Variants in ASTN2 observed in about 807,000 individuals in gnomAD.
The protein encoded by ASTN2 is astrotactin 2, also known as astrotactin-2.
In ASTN2, 54 loss-of-function variants were observed where a neutral mutation model predicts 139.8. That is an observed-to-expected ratio of 0.39 (90% CI 0.31 to 0.48). The LOEUF is 0.48. Among genes scored for constraint, ASTN2 ranks in the 20% least tolerant of loss-of-function variants. The pLI is 0.95. For missense variants in ASTN2, 1,565 were observed against 1,725.1 expected, an observed-to-expected ratio of 0.91 and a Z score of 1.64; for synonymous variants, 756 against 719.5, an observed-to-expected ratio of 1.05 and a Z score of -0.81.
intron 17 of ASTN2, among the ~76,000 whole-genome samples, chr9:116,621,621 T>C (rs1856161427): frequency 6.6e-6 from 1 of 152,144 alleles, no homozygotes; most frequent in African/African-American, 2.4e-5. Flanking sequence ...AGACCATACC[T>C]ACCAACACAT....
chr9:117,014,133 C>G (rs1356737484), intron 6 of ASTN2, among the ~76,000 whole-genome samples: 1 of 152,036 alleles, frequency 6.6e-6, no homozygotes, highest in Non-Finnish European at 1.5e-5. Flanking sequence ...GAAATGTCTT[C>G]CTGGAAACAA....
intron 3 of ASTN2, among the ~76,000 whole-genome samples, chr9:117,191,455 T>G (rs556308137): frequency 3.0e-4 from 46 of 152,192 alleles, no homozygotes; most frequent in Non-Finnish European, 6.0e-4. Flanking sequence ...AATTGCTAAT[T>G]TATACTTTAC....
chr9:116,760,054 T>C (rs1187034350), intron 13 of ASTN2, among the ~76,000 whole-genome samples: 2 of 152,200 alleles, frequency 1.3e-5, no homozygotes, highest in Non-Finnish European at 2.9e-5. Flanking sequence ...CGGGAAGGGC[T>C]AACAGGACGG....
chr9:117,321,512 C>G (rs532208149), intron 1 of ASTN2, among the ~76,000 whole-genome samples: 1 of 152,248 alleles, frequency 6.6e-6, no homozygotes, highest in South Asian at 2.1e-4. Flanking sequence ...CTAAGGTATA[C>G]ATAGCTCCTA....
chr9:117,413,396 G>C (rs977477141), intron 1 of ASTN2, among the ~76,000 whole-genome samples: 2 of 152,252 alleles, frequency 1.3e-5, no homozygotes, highest in Non-Finnish European at 2.9e-5. Flanking sequence ...CCGGGTCTGG[G>C]CGAGCCCCTG....
chr9:117,078,541 A>C (rs1828339971), intron 5 of ASTN2, among the ~76,000 whole-genome samples: 1 of 152,174 alleles, frequency 6.6e-6, no homozygotes, highest in African/African-American at 2.4e-5. Flanking sequence ...GACATTACAG[A>C]ATTGTAGTTT....
chr9:116,804,534 A>G (rs1433217912), intron 13 of ASTN2, among the ~76,000 whole-genome samples: 1 of 152,142 alleles, frequency 6.6e-6, no homozygotes, highest in Non-Finnish European at 1.5e-5. Context: ...ATAGACAAAA[A>G]ATACTTAGAA....
intron 2 of ASTN2, among the ~76,000 whole-genome samples, chr9:117,243,770 C>T (rs924195599): frequency 3.9e-5 from 6 of 152,130 alleles, no homozygotes; most frequent in African/African-American, 1.2e-4. Flanking sequence ...ATGTACAGGG[C>T]AGGCCTTGGG....
chr9:116,760,106 T>G (rs371181158), intron 13 of ASTN2, among the ~76,000 whole-genome samples: 1 of 152,188 alleles, frequency 6.6e-6, no homozygotes, highest in Non-Finnish European at 1.5e-5. Flanking sequence ...ATTATTATCA[T>G]TGCAAAGCAC....
chr9:116,527,520 AGTAAAT>A (rs767032088), intron 19 of ASTN2, among the ~76,000 whole-genome samples: 10 of 152,232 alleles, frequency 6.6e-5, no homozygotes, highest in Non-Finnish European at 1.0e-4. Context: ...AAAGATGAAA[AGTAAAT>A]GTTGGCAAAG....
chr9:116,704,553 A>AT (rs1827941353), intron 16 of ASTN2, among the ~76,000 whole-genome samples: 1 of 152,214 alleles, frequency 6.6e-6, no homozygotes, highest in African/African-American at 2.4e-5. Flanking sequence ...AATTCAGAAA[A>AT]TGTGTGACTT....
intron 19 of ASTN2, among the ~76,000 whole-genome samples, chr9:116,565,355 C>CTA: frequency 4.6e-5 from 1 of 21,702 alleles, no homozygotes; most frequent in Non-Finnish European, 7.5e-5. Context: ...CACTGTTTCT[C>CTA]TCTCTCTCTC....
chr9:117,009,565 G>A (rs1013416366), intron 6 of ASTN2, among the ~76,000 whole-genome samples: 3 of 152,114 alleles, frequency 2.0e-5, no homozygotes, highest in African/African-American at 4.8e-5. Flanking sequence ...TCACAAAGCT[G>A]GACAGGGAGC....
intron 2 of ASTN2, among the ~76,000 whole-genome samples, chr9:117,281,849 T>A (rs113798137): frequency 1.3e-5 from 2 of 152,156 alleles, no homozygotes; most frequent in Non-Finnish European, 2.9e-5. Flanking sequence ...TGCCCCTGCC[T>A]CCAGCCCTCT....
At position 116,527,927 on chromosome 9, in the gene ASTN2, T is replaced by C. The variant is rs535346083; in HGVS notation, c.3356-40427A>G. On this transcript the variant is annotated intron_variant, in intron 19 of 22. Coordinates refer to ENST00000313400, the MANE Select transcript of ASTN2 (RefSeq NM_001365068.1). Reference sequence around the variant, plus strand: ...GCTTCCTGAGGCCTCCCAAGCCACATAGAACTGTGAGTCAAACCTCTTTTC... The same window carrying C: ...GCTTCCTGAGGCCTCCCAAGCCACACAGAACTGTGAGTCAAACCTCTTTTC... 3.9e-5 allele frequency among the ~76,000 whole-genome samples: 6 copies of C among 152,282 alleles called. No individual in the cohort carries two copies. The South Asian group carries it at 6.2e-4, about 16-fold the overall frequency.
intron 1 of ASTN2, among the ~76,000 whole-genome samples, chr9:117,312,918 G>A (rs907121857): frequency 1.3e-5 from 2 of 152,106 alleles, no homozygotes; most frequent in Non-Finnish European, 2.9e-5. Context: ...GGCCATGTGG[G>A]TGCCCCTGCC....
At chr9:116,661,125 TC>T (rs1392977243) in intron 16 of ASTN2, among the ~76,000 whole-genome samples, 1 of 152,132 alleles carries the variant, frequency 6.6e-6, no homozygotes, top group African/African-American at 2.4e-5. Flanking sequence ...CTGGCCAGTG[TC>T]TTGGCCAGAA....
chr9:117,081,723 C>T (rs559817802), intron 5 of ASTN2, among the ~76,000 whole-genome samples: 1,572 of 152,266 alleles, frequency 0.01, 29 homozygotes, highest in African/African-American at 0.036. Flanking sequence ...GTGATGATCT[C>T]CTGCTGGCCT....
At chr9:116,471,162 T>C (rs375779841) in intron 20 of ASTN2, among the ~76,000 whole-genome samples, 2 of 152,140 alleles carry the variant, frequency 1.3e-5, no homozygotes, top group South Asian at 2.1e-4. Context: ...TTACAGGCTA[T>C]AGATATGATT....
Sources: gnomAD v4.1 joint callset for allele counts (sites outside exome capture counted in the v4.1 genomes callset) on GRCh38, gnomAD v4.1.1 for gene constraint, MANE v1.5 for transcripts, NCBI Gene and HGNC (gene_info 2026-07-23, HGNC 2026-07-21) for gene names.